CMTM7: variants seen among roughly 807,000 people sequenced by gnomAD.
CMTM7 encodes CKLF like MARVEL transmembrane domain containing 7.
In CMTM7, 7 loss-of-function variants were observed where a neutral mutation model predicts 19.3. The ratio of observed to expected loss-of-function variants is 0.36; its 90% CI spans 0.21 to 0.68. The LOEUF (loss-of-function observed/expected upper bound fraction) is 0.68, where lower values mean the gene tolerates loss of function less well. CMTM7 is among the 30% of genes least tolerant of loss of function. CMTM7 has a pLI of 0.60. For synonymous variants in CMTM7, 87 were observed against 99.3 expected, an observed-to-expected ratio of 0.88 and a Z score of 0.74; for missense variants, 193 against 232.6, an observed-to-expected ratio of 0.83 and a Z score of 1.11.
intron 1 of CMTM7, among the ~76,000 whole-genome samples, chr3:32,395,804 A>T (rs1374991946): frequency 3.9e-5 from 6 of 152,260 alleles, no homozygotes; most frequent in South Asian, 2.1e-4. Context: ...ACAGATGTCC[A>T]CATGAAGACT....
chr3:32,414,589 T>TG (rs1319535005), intron 1 of CMTM7, among the ~76,000 whole-genome samples: 2 of 152,190 alleles, frequency 1.3e-5, no homozygotes, highest in Non-Finnish European at 2.9e-5. Flanking sequence ...AAAGGGATGC[T>TG]GGGGAAGTGT....
At chr3:32,432,600 G>A (rs1211175680) in intron 1 of CMTM7, among the ~76,000 whole-genome samples, 8 of 152,190 alleles carry the variant, frequency 5.3e-5, no homozygotes, top group Non-Finnish European at 2.9e-5. Context: ...GGATGCACTA[G>A]TTGTAGGATC....
At chr3:32,421,007 C>T (rs1283536020) in intron 1 of CMTM7, among the ~76,000 whole-genome samples, 1 of 152,168 alleles carries the variant, frequency 6.6e-6, no homozygotes, top group Non-Finnish European at 1.5e-5. Context: ...CTCCCCACCT[C>T]ACCGTGCAGC....
chr3:32,413,930 C>T (rs1575113026), intron 1 of CMTM7, among the ~76,000 whole-genome samples: 1 of 152,126 alleles, frequency 6.6e-6, no homozygotes, highest in African/African-American at 2.4e-5. Context: ...CAAAGGGACT[C>T]GCCTCACCCA....
At chr3:32,443,854 A>G (rs1213108764) in intron 2 of CMTM7, among the ~76,000 whole-genome samples, 1 of 152,138 alleles carries the variant, frequency 6.6e-6, no homozygotes, top group Non-Finnish European at 1.5e-5. Context: ...GGCCATTTGT[A>G]TATTTTCTTT....
chr3:32,429,893 C>A (rs532494938), intron 1 of CMTM7, among the ~76,000 whole-genome samples: 2 of 152,234 alleles, frequency 1.3e-5, no homozygotes, highest in East Asian at 1.9e-4. Flanking sequence ...GCCACTGCGC[C>A]CAGCCGAGCA....
At chr3:32,408,725 C>G (rs1335411997) in intron 1 of CMTM7, among the ~76,000 whole-genome samples, 1 of 152,112 alleles carries the variant, frequency 6.6e-6, no homozygotes, top group Non-Finnish European at 1.5e-5. Flanking sequence ...TTACTGCATC[C>G]TAGTAGAATC....
chr3:32,444,303 T>C (rs919376339), intron 2 of CMTM7, among the ~76,000 whole-genome samples: 3 of 152,264 alleles, frequency 2.0e-5, no homozygotes, highest in Non-Finnish European at 4.4e-5. Flanking sequence ...GCATCATATG[T>C]TGAAAAGACT....
chr3:32,427,411 G>A (rs1696449119), intron 1 of CMTM7, among the ~76,000 whole-genome samples: 1 of 152,180 alleles, frequency 6.6e-6, no homozygotes, highest in Non-Finnish European at 1.5e-5. Flanking sequence ...GGAAGGAGCT[G>A]TGGCAGATGC....
chr3:32,435,750 C>T (rs1051453876), intron 1 of CMTM7, among the ~76,000 whole-genome samples: 1 of 152,120 alleles, frequency 6.6e-6, no homozygotes, highest in Non-Finnish European at 1.5e-5. Flanking sequence ...TTAAATAAAG[C>T]CACTGCCATA....
intron 1 of CMTM7, among the ~76,000 whole-genome samples, chr3:32,408,401 C>T (rs139688016): frequency 6.6e-6 from 1 of 152,342 alleles, no homozygotes; most frequent in East Asian, 1.9e-4. Flanking sequence ...GTGCTTTGCT[C>T]ATTTCTAGGA....
chr3:32,449,641 C>T lies in CMTM7; in HGVS notation c.432+89C>T. On this transcript the variant is annotated intron_variant, in intron 3 of 4. Transcript: ENST00000334983. This position sits in a 1 kb window ranked among gnomAD's most constrained non-coding sequence, Gnocchi z 4.5. ...ATGGGGGAAGAGAAGGGCTTGGTTTCTGGGGCATTCCCTTCATAGAATCAA... is the reference window on the plus strand; with the variant it reads ...ATGGGGGAAGAGAAGGGCTTGGTTTTTGGGGCATTCCCTTCATAGAATCAA... 3.0e-6 allele frequency: 3 copies of T among 1,000,486 alleles called. No individual in the cohort carries two copies. Among genetic ancestry groups the T allele is most frequent in the Non-Finnish European group, 4.8e-6 (3 of 624,320 alleles). 62.0% of individuals were successfully genotyped at this position (1,000,486 alleles called of 1,614,324 possible). A position where few individuals can be genotyped will look rare whatever the true frequency, so the allele number is the denominator to read the frequency against.
chr3:32,426,219 A>AGGGTTT (rs1306552819), intron 1 of CMTM7, among the ~76,000 whole-genome samples: 1 of 152,176 alleles, frequency 6.6e-6, no homozygotes, highest in East Asian at 1.9e-4. Context: ...CCTAACCTAA[A>AGGGTTT]ACCCTGAGTT....
chr3:32,395,334 T>C (rs1440663719), intron 1 of CMTM7, among the ~76,000 whole-genome samples: 2 of 151,876 alleles, frequency 1.3e-5, no homozygotes, highest in African/African-American at 4.8e-5. Context: ...TATTTTTTTT[T>C]AGCCCTATTA....
At chr3:32,438,574 G>A (rs888124899) in intron 1 of CMTM7, among the ~76,000 whole-genome samples, 12 of 152,112 alleles carry the variant, frequency 7.9e-5, no homozygotes, top group African/African-American at 2.4e-4. Flanking sequence ...GAAGCTTTTA[G>A]GAGCACGCAT....
intron 1 of CMTM7, among the ~76,000 whole-genome samples, 162 bp downstream of exon 1, chr3:32,392,227 G>C (rs1002137231): frequency 1.5e-5 from 2 of 132,624 alleles, no homozygotes; most frequent in African/African-American, 5.5e-5. Context: ...GGCTTCCTCC[G>C]GGAAAGTTGC....
In CMTM7 at chr3:32,449,545, C is replaced by G. The variant is rs768021987; in HGVS notation, c.425C>G (p.Ala142Gly). The G allele has an allele frequency of 2.1e-5, 34 of 1,612,322 alleles. No individual in the cohort carries two copies. Among genetic ancestry groups the G allele is most frequent in the Non-Finnish European group, 6.8e-6 (8 of 1,178,476 alleles). Residue 142 changes from alanine (A) to glycine (G), a missense_variant, in exon 3 of 5, where the codon GCC becomes GGC. Transcript: ENST00000334983. This position sits in a 1 kb window ranked among gnomAD's most constrained non-coding sequence, Gnocchi z 4.5. ...SKSYNQSGLVAGAIFGFMATF... is the reference protein window; with the variant it reads ...SKSYNQSGLVGGAIFGFMATF... ...AGTTACAACCAGAGCGGACTGGTAG[C>G]CGGAGCGGTGAGGATGTTTTGGGGA...
chr3:32,437,692 ACT>A (rs1696617825), intron 1 of CMTM7, among the ~76,000 whole-genome samples: 1 of 151,884 alleles, frequency 6.6e-6, no homozygotes, highest in South Asian at 2.1e-4. Context: ...GGAGATCGAG[ACT>A]CTCCTGGCCA....
intron 1 of CMTM7, among the ~76,000 whole-genome samples, chr3:32,409,864 T>C (rs922511899): frequency 6.6e-6 from 1 of 152,242 alleles, no homozygotes; most frequent in Admixed American, 6.5e-5. Context: ...TAGTTCAAGT[T>C]GAGCTTTGCT....
Sources: gnomAD v4.1 joint callset for allele counts (sites outside exome capture counted in the v4.1 genomes callset) on GRCh38, gnomAD v4.1.1 for gene constraint, Gnocchi (gnomAD v3.1) non-coding constraint, MANE v1.5 for transcripts, NCBI Gene and HGNC (gene_info 2026-07-23, HGNC 2026-07-21) for gene names.